The following RPA3 variants were observed in gnomAD, a reference collection of about 807,000 sequenced individuals.
RPA3 encodes the protein replication protein A 14 kDa subunit.
RPA3 carries 24 observed loss-of-function variants against 13.7 expected under a neutral mutation model. The observed-to-expected ratio is 1.75, with a 90% CI of 1.27 to 2.46. The LOEUF (loss-of-function observed/expected upper bound fraction) is 2.46. Among genes scored for constraint, RPA3 ranks in the 30% most tolerant of loss-of-function variants. The pLI is 0.00. For synonymous variants in RPA3, 59 were observed against 51.2 expected (o/e 1.15, Z -0.65); for missense variants, 183 against 151.0 (o/e 1.21, Z -1.11).
At chr7:7,716,446 G>C (rs987830127) in intron 1 of RPA3, among the ~76,000 whole-genome samples, 12 of 152,138 alleles carry the variant, frequency 7.9e-5, no homozygotes, top group Admixed American at 2.0e-4. Context: ...CTGAAAGATC[G>C]AGCTGCAGAC....
chr7:7,646,884 G>A (rs1292738162), intron 4 of RPA3, among the ~76,000 whole-genome samples: 1 of 152,086 alleles, frequency 6.6e-6, no homozygotes, highest in Non-Finnish European at 1.5e-5. Context: ...ACAGAATAGG[G>A]GTGACATATT....
chr7:7,710,812 G>A (rs770750896), intron 2 of RPA3, among the ~76,000 whole-genome samples: 7 of 152,126 alleles, frequency 4.6e-5, no homozygotes, highest in African/African-American at 7.2e-5. Flanking sequence ...CAGGTGAATG[G>A]TTAAATCTAT....
At chr7:7,664,424 A>T (rs562643702) in intron 4 of RPA3, among the ~76,000 whole-genome samples, 1 of 152,314 alleles carries the variant, frequency 6.6e-6, no homozygotes, top group Admixed American at 6.5e-5. Flanking sequence ...GTAATGTCCA[A>T]CAAATCCTGT....
chr7:7,695,052 A>G (rs1780276632), intron 2 of RPA3, among the ~76,000 whole-genome samples: 1 of 152,178 alleles, frequency 6.6e-6, no homozygotes, highest in East Asian at 1.9e-4. Flanking sequence ...AGTGTTTGTC[A>G]TTACCTTTCT....
intron 2 of RPA3, among the ~76,000 whole-genome samples, chr7:7,694,421 A>G (rs28914171): frequency 7.3e-4 from 111 of 152,172 alleles, no homozygotes; most frequent in Non-Finnish European, 9.4e-4. Context: ...ATGTATAACA[A>G]ATTATTGCAG....
At chr7:7,666,847 C>G (rs1779474646) in intron 4 of RPA3, among the ~76,000 whole-genome samples, 1 of 151,954 alleles carries the variant, frequency 6.6e-6, no homozygotes, top group Non-Finnish European at 1.5e-5. Flanking sequence ...CTCTTGTTGC[C>G]CAGGCTGGAG....
intron 4 of RPA3, among the ~76,000 whole-genome samples, chr7:7,668,385 A>C (rs1310460399): frequency 2.0e-5 from 3 of 152,216 alleles, no homozygotes; most frequent in Non-Finnish European, 2.9e-5. Flanking sequence ...TGAGTACAGT[A>C]CTATAAGGTT....
chr7:7,718,021 T>C (rs970587943), intron 1 of RPA3, among the ~76,000 whole-genome samples: 1 of 152,356 alleles, frequency 6.6e-6, no homozygotes, highest in South Asian at 2.1e-4. Context: ...GTTTTTAGAA[T>C]TGACACAATG....
chr7:7,637,185 G>A lies in RPA3; in HGVS notation c.284-103C>T, dbSNP rs548549796. 15 of 846,332 alleles carry A rather than the reference G, an allele frequency of 1.8e-5. No homozygotes were observed. The South Asian group carries it at 2.3e-4, about 13-fold the overall frequency. 52.4% of individuals were successfully genotyped at this position (846,332 alleles called of 1,614,324 possible). ...CTATTTCCTTTTTCTCACCCTTTTG[G>A]AAGTGAGTTTCTAAAAATGGAGATA... On this transcript the variant is annotated intron_variant, in intron 7 of 7. Transcript: ENST00000223129.
intron 4 of RPA3, among the ~76,000 whole-genome samples, chr7:7,676,869 T>G (rs1012154339): frequency 3.9e-5 from 6 of 152,118 alleles, no homozygotes; most frequent in African/African-American, 1.4e-4. Flanking sequence ...GTCTTTAAAG[T>G]TATAGTTAAT....
Position 7,640,313 on chromosome 7 carries a change from C to T in RPA3, c.99+7G>A. ...ACTTGGGAGCCCATGATTGCGAACC[C>T]GCACACCTTTTCCAGCCTCCCTACG... On this transcript the variant is annotated splice_region_variant and intron_variant, in intron 5 of 7. Coordinates refer to ENST00000223129, the MANE Select transcript of RPA3 (RefSeq NM_002947.5). 1 of 1,613,926 alleles carries T rather than the reference C, an allele frequency of 6.2e-7. No individual in the cohort carries two copies. Among genetic ancestry groups the T allele is most frequent in the Non-Finnish European group, 8.5e-7 (1 of 1,179,894 alleles).
intron 2 of RPA3, among the ~76,000 whole-genome samples, chr7:7,703,742 T>A (rs1780525073): frequency 6.6e-6 from 1 of 152,050 alleles, no homozygotes; most frequent in African/African-American, 2.4e-5. Context: ...GAGTTTGAGA[T>A]CAGCCTGGGC....
intron 4 of RPA3, among the ~76,000 whole-genome samples, chr7:7,681,623 C>A (rs1243140172): frequency 6.6e-6 from 1 of 152,038 alleles, no homozygotes; most frequent in African/African-American, 2.4e-5. Flanking sequence ...TGAAGTAATC[C>A]TCCAGGGTAC....
intron 4 of RPA3, among the ~76,000 whole-genome samples, chr7:7,662,003 T>A (rs1410367894): frequency 3.9e-5 from 6 of 152,172 alleles, no homozygotes; most frequent in Non-Finnish European, 8.8e-5. Flanking sequence ...AGAGATGCCC[T>A]ACACAGAGAG....
chr7:7,671,583 T>C, intron 4 of RPA3, among the ~76,000 whole-genome samples: 1 of 152,240 alleles, frequency 6.6e-6, no homozygotes, highest in Admixed American at 6.5e-5. Flanking sequence ...AGTCGTTTAA[T>C]TTGAAATCTA....
At chr7:7,696,974 C>G (rs1428662860) in intron 2 of RPA3, among the ~76,000 whole-genome samples, 1 of 152,076 alleles carries the variant, frequency 6.6e-6, no homozygotes, top group Non-Finnish European at 1.5e-5. Context: ...ATGACCTAAG[C>G]TTAGCAAGCT....
chr7:7,704,054 A>T (rs1780533228), intron 2 of RPA3, among the ~76,000 whole-genome samples: 1 of 152,200 alleles, frequency 6.6e-6, no homozygotes, highest in Non-Finnish European at 1.5e-5. Context: ...ACTTTGATGG[A>T]ATCCCAGACA....
At chr7:7,639,365 T>C (rs1784916169) in intron 5 of RPA3, among the ~76,000 whole-genome samples, 1 of 152,234 alleles carries the variant, frequency 6.6e-6, no homozygotes, top group African/African-American at 2.4e-5. Flanking sequence ...AGGATTTTTT[T>C]TGTAGTGTTA....
chr7:7,703,707 A>T (rs572465859), intron 2 of RPA3, among the ~76,000 whole-genome samples: 95 of 152,302 alleles, frequency 6.2e-4, no homozygotes, highest in African/African-American at 2.1e-3. Flanking sequence ...TGGGAAGCCG[A>T]GACTGGCAGA....
Sources: gnomAD v4.1 joint callset for allele counts (sites outside exome capture counted in the v4.1 genomes callset) on GRCh38, gnomAD v4.1.1 for gene constraint, MANE v1.5 for transcripts, NCBI Gene and HGNC (gene_info 2026-07-23, HGNC 2026-07-21) for gene names.